The following EPHA3 variants were observed in gnomAD, a reference collection of about 807,000 sequenced individuals.
EPHA3 encodes the protein ephrin type-A receptor 3.
A neutral mutation model predicts 107.1 loss-of-function variants in EPHA3; 42 were observed. That is an observed-to-expected ratio of 0.39 (90% CI 0.31 to 0.51). The LOEUF is 0.51. Among genes scored for constraint, EPHA3 ranks in the 20% least tolerant of loss-of-function variants. EPHA3 has a pLI of 0.78. For synonymous variants in EPHA3, 461 were observed against 424.8 expected (o/e 1.09, Z -1.05); for missense variants, 1,183 against 1,211.2 (o/e 0.98, Z 0.35).
chr3:89,258,626 C>A (rs559745420), intron 3 of EPHA3, among the ~76,000 whole-genome samples: 12 of 152,064 alleles, frequency 7.9e-5, no homozygotes, highest in African/African-American at 2.9e-4. Context: ...AGAAATACAG[C>A]GGTTCATTTT....
At chr3:89,426,229 G>A (rs1238247521) in intron 11 of EPHA3, among the ~76,000 whole-genome samples, 5 of 151,624 alleles carry the variant, frequency 3.3e-5, no homozygotes, top group Non-Finnish European at 5.9e-5. Flanking sequence ...CAAATACATG[G>A]CATAATGCGC....
At chr3:89,475,333 T>G (rs1286997030) in intron 16 of EPHA3, among the ~76,000 whole-genome samples, 4 of 152,194 alleles carry the variant, frequency 2.6e-5, no homozygotes, top group African/African-American at 9.7e-5. Flanking sequence ...TCAGAAATGA[T>G]TTGCTCGACC....
intron 8 of EPHA3, among the ~76,000 whole-genome samples, chr3:89,407,583 C>T (rs771190758): frequency 1.3e-5 from 2 of 152,060 alleles, no homozygotes; most frequent in East Asian, 1.9e-4. Context: ...CCTGTCCCCA[C>T]TCTTTTAACA....
chr3:89,370,928 T>C (rs1267191761), intron 5 of EPHA3, among the ~76,000 whole-genome samples: 2 of 142,032 alleles, frequency 1.4e-5, no homozygotes, highest in East Asian at 4.0e-4. Context: ...CTGCAGTTTT[T>C]CATCTTTTCT....
rs377302282 is a variant in EPHA3 at position 89,449,326 on chromosome 3, G to A, written c.2448G>A (p.Glu816=). 1.6e-5 allele frequency: 26 copies of A among 1,610,218 alleles called. No individual in the cohort carries two copies. The highest frequency in any genetic ancestry group is 4.5e-5 in the East Asian group (2 of 44,808). ...GGAGTTATGGGATTGTTCTCTGGGA[G>A]GTGATGTCTTATGGAGAGAGACCAT... ...DVWSYGIVLW[E]VMSYGERPYW... is the part of the protein sequence containing the mutation. Residue 816 remains glutamate (E), a synonymous_variant, in exon 14 of 17, where the codon GAG becomes GAA. Transcript: ENST00000336596.
intron 2 of EPHA3, among the ~76,000 whole-genome samples, chr3:89,167,848 G>A (rs1207607755): frequency 6.6e-6 from 1 of 152,044 alleles, no homozygotes; most frequent in Non-Finnish European, 1.5e-5. Context: ...TTTATACTGT[G>A]TCTACATATT....
intron 3 of EPHA3, among the ~76,000 whole-genome samples, chr3:89,298,769 G>T (rs1487618331): frequency 2.0e-5 from 3 of 152,008 alleles, no homozygotes; most frequent in African/African-American, 7.2e-5. Context: ...ACATATATGG[G>T]ATATGTAAAT....
chr3:89,111,438 C>G (rs1432383772), intron 1 of EPHA3, among the ~76,000 whole-genome samples: 1 of 151,916 alleles, frequency 6.6e-6, no homozygotes, highest in Non-Finnish European at 1.5e-5. Flanking sequence ...TTTCATCATG[C>G]TAGACTAAAT....
intron 3 of EPHA3, among the ~76,000 whole-genome samples, chr3:89,329,862 A>G (rs1417327620): frequency 1.3e-5 from 2 of 152,026 alleles, no homozygotes; most frequent in Non-Finnish European, 2.9e-5. Context: ...TGTGTTTCTG[A>G]CATACAAATG....
intron 3 of EPHA3, among the ~76,000 whole-genome samples, chr3:89,277,443 A>AAAG (rs1387364006): frequency 6.6e-6 from 1 of 152,154 alleles, no homozygotes; most frequent in Non-Finnish European, 1.5e-5. Flanking sequence ...TTGAAATTTT[A>AAAG]AAGTCTAAAT....
intron 2 of EPHA3, among the ~76,000 whole-genome samples, chr3:89,164,545 C>CT (rs1705021649): frequency 6.6e-6 from 1 of 152,226 alleles, no homozygotes; most frequent in African/African-American, 2.4e-5. Context: ...TTTGGATCTG[C>CT]TTCCACCCAG....
intron 2 of EPHA3, among the ~76,000 whole-genome samples, chr3:89,129,678 A>C (rs2106981615): frequency 6.7e-6 from 1 of 149,298 alleles, no homozygotes; most frequent in South Asian, 2.1e-4. Context: ...TTTTGGATTT[A>C]ATAGCCTGGC....
chr3:89,108,305 T>G (rs1015932283), intron 1 of EPHA3, among the ~76,000 whole-genome samples: 2 of 152,026 alleles, frequency 1.3e-5, no homozygotes, highest in Non-Finnish European at 1.5e-5. Context: ...ATGAATGGAC[T>G]AAAGGGAAAT....
intron 3 of EPHA3, among the ~76,000 whole-genome samples, chr3:89,219,809 C>T (rs1576241140): frequency 1.4e-5 from 2 of 139,682 alleles, no homozygotes; most frequent in African/African-American, 2.6e-5. Flanking sequence ...CCCGGGTTCA[C>T]GCCATTCTCC....
At chr3:89,310,193 A>C (rs1421813516) in intron 3 of EPHA3, among the ~76,000 whole-genome samples, 1 of 152,176 alleles carries the variant, frequency 6.6e-6, no homozygotes, top group African/African-American at 2.4e-5. Context: ...TTTATATATA[A>C]AGCAGACATA....
rs1710599703 is a variant in EPHA3, at chr3:89,480,343, A to C, written c.*841A>C. The C allele has an allele frequency of 2.1e-5, 5 of 233,252 alleles. No individual in the cohort carries two copies. The highest frequency in any genetic ancestry group is 6.1e-5 in the East Asian group (1 of 16,458). 14.4% of individuals were successfully genotyped at this position (233,252 alleles called of 1,614,324 possible). ...GAAATCCTTTTCCTGTTCATACACT[A>C]ACCAAATCTCTCAAATCTGTTATCC... On this transcript the variant is annotated 3_prime_UTR_variant, in exon 17 of 17. Coordinates refer to ENST00000336596, the MANE Select transcript of EPHA3 (RefSeq NM_005233.6).
intron 3 of EPHA3, among the ~76,000 whole-genome samples, chr3:89,278,463 T>C (rs1402730482): frequency 6.6e-6 from 1 of 152,158 alleles, no homozygotes; most frequent in Non-Finnish European, 1.5e-5. Flanking sequence ...TTGCTCTCAG[T>C]GTCTGCCGTT....
chr3:89,374,123 G>A (rs1439056308), intron 5 of EPHA3, among the ~76,000 whole-genome samples: 1 of 151,824 alleles, frequency 6.6e-6, no homozygotes, highest in Non-Finnish European at 1.5e-5. Flanking sequence ...TGTTCAGTAA[G>A]ATATTTTCTT....
chr3:89,440,113 A>G (rs1356095782), intron 13 of EPHA3, among the ~76,000 whole-genome samples: 2 of 152,156 alleles, frequency 1.3e-5, no homozygotes, highest in Non-Finnish European at 2.9e-5. Flanking sequence ...ACTGCTGGGG[A>G]TAAGACTAGA....
Sources: gnomAD v4.1 joint callset for allele counts (sites outside exome capture counted in the v4.1 genomes callset) on GRCh38, gnomAD v4.1.1 for gene constraint, MANE v1.5 for transcripts, NCBI Gene and HGNC (gene_info 2026-07-23, HGNC 2026-07-21) for gene names.